Variants in FANCD2 observed in about 807,000 individuals in gnomAD.
FANCD2 encodes Fanconi anemia group D2 protein.
In FANCD2, 131 loss-of-function variants were observed where a neutral mutation model predicts 192.3. The ratio of observed to expected loss-of-function variants is 0.68; its 90% CI spans 0.59 to 0.79. The LOEUF (loss-of-function observed/expected upper bound fraction) is 0.79. FANCD2 is among the 30% of genes least tolerant of loss of function. The pLI, the probability that FANCD2 is intolerant of heterozygous loss-of-function variation, is 0.00. For missense variants in FANCD2, 1,508 were observed against 1,701.6 expected, an observed-to-expected ratio of 0.89 and a Z score of 2.00; for synonymous variants, 524 against 612.5, an observed-to-expected ratio of 0.86 and a Z score of 2.13.
chr3:10,046,376 C>T lies in FANCD2; in HGVS notation c.1135-204C>T. ...CCTGCTCTGTATTCTTAAGGGGTAT[C>T]AATGGTTAACAGTTGTGGCACTTTA... On this transcript the variant is annotated intron_variant, in intron 14 of 43. Transcript: ENST00000675286. 4.0e-6 allele frequency: 3 copies of T among 744,546 alleles called. No homozygotes were observed. The South Asian group carries it at 5.4e-5, about 13-fold the overall frequency. 46.1% of individuals were successfully genotyped at this position (744,546 alleles called of 1,614,324 possible). A position where few individuals can be genotyped will look rare whatever the true frequency, so the allele number is the denominator to read the frequency against.
intron 40 of FANCD2, chr3:10,094,993 A>C (rs563707444): frequency 1.5e-4 from 86 of 589,774 alleles, no homozygotes; most frequent in Non-Finnish European, 7.6e-5. Flanking sequence ...TATAACTCTC[A>C]GATTGATACA....
rs33956334 is a variant in FANCD2 at position 10,031,376 on chromosome 3, A to G, written c.65-1456A>G. 7.6e-3 allele frequency among the ~76,000 whole-genome samples: 1,154 copies of G among 151,970 alleles called. 4 individuals are homozygous for G. Among genetic ancestry groups the G allele is most frequent in the Non-Finnish European group, 0.013 (861 of 67,948 alleles). On this transcript the variant is annotated intron_variant, in intron 2 of 43. Transcript: ENST00000675286. ...AAATTAGCCGGGCGTGGTGGTGTGC[A>G]CCTGTAGTCCCAGCTACTGGGAGGC...
At chr3:10,040,607 G>GA (rs2086841422) in intron 9 of FANCD2, 1 of 454,648 alleles carries the variant, frequency 2.2e-6, no homozygotes, top group African/African-American at 2.0e-5. Flanking sequence ...TCATTCATTT[G>GA]AAAAATAGTA....
rs59318799 is a variant in FANCD2, at chr3:10,101,644, A to T, written c.*382A>T. The T allele has an allele frequency of 0.19, 59,066 of 311,488 alleles. 6,740 individuals are homozygous for T. The highest frequency in any genetic ancestry group is 0.36 in the African/African-American group (16,618 of 46,698). The allele number at this position is 311,488 out of a possible 1,614,324, so 19.3% of individuals were successfully genotyped here. On this transcript the variant is annotated 3_prime_UTR_variant, in exon 44 of 44. Transcript: ENST00000675286. Reference sequence around the variant, plus strand: ...ATGATCCACCTGCCTCAGCCTCCCAAAGTGCTGGGATTACAGGCATGAGCC... The same window carrying T: ...ATGATCCACCTGCCTCAGCCTCCCATAGTGCTGGGATTACAGGCATGAGCC...
chr3:10,071,959 CGT>C (rs1693276813), intron 26 of FANCD2, among the ~76,000 whole-genome samples: 2 of 151,956 alleles, frequency 1.3e-5, no homozygotes, highest in Non-Finnish European at 2.9e-5. Flanking sequence ...GGGGTTTCAC[CGT>C]GTTGGCCGGG....
chr3:10,086,015 A>G (rs1694177623), intron 33 of FANCD2, 93 bp downstream of exon 33: 2 of 826,616 alleles, frequency 2.4e-6, no homozygotes, highest in Non-Finnish European at 4.3e-6. Context: ...GGTGTCTTTC[A>G]GTAGTTGTAA....
At chr3:10,097,363 C>T (rs935439142) in intron 42 of FANCD2, among the ~76,000 whole-genome samples, 1 of 152,144 alleles carries the variant, frequency 6.6e-6, no homozygotes, top group African/African-American at 2.4e-5. Context: ...GTTTATTTCA[C>T]CTCTGCAGTC....
chr3:10,068,238 A>G lies in FANCD2; in HGVS notation c.2494+921A>G, dbSNP rs2087774693. Among the ~76,000 whole-genome samples, 2 of 152,180 alleles carry G rather than the reference A, an allele frequency of 1.3e-5. 1 individual carries two copies. The highest frequency in any genetic ancestry group is 4.1e-4 in the South Asian group (2 of 4,830). ...GCAGATGATATGATCTTATATTTGG[A>G]AAAGCCTAAAGACTCCACCAAAAAA... is the stretch of plus-strand genomic sequence containing the variant. On this transcript the variant is annotated intron_variant, in intron 26 of 43. Coordinates refer to ENST00000675286, the MANE Select transcript of FANCD2 (RefSeq NM_001018115.3).
At chr3:10,092,503 T>C (rs984816850) in intron 38 of FANCD2, among the ~76,000 whole-genome samples, 1 of 151,398 alleles carries the variant, frequency 6.6e-6, no homozygotes, top group African/African-American at 2.4e-5. Flanking sequence ...CTTCCATCTG[T>C]AATTCCCTCA....
At chr3:10,080,972 G>A (rs192467385) in intron 30 of FANCD2, 128 bp from the exon 31 acceptor site, 3 of 997,266 alleles carry the variant, frequency 3.0e-6, no homozygotes, top group East Asian at 4.8e-5. Flanking sequence ...ACAGTCTTAG[G>A]TTAACAACTC....
chr3:10,064,509 A>T (rs1467861666), intron 22 of FANCD2, 80 bp downstream of exon 22: 1 of 1,393,118 alleles, frequency 7.2e-7, no homozygotes, highest in African/African-American at 1.4e-5. Context: ...AAACTTCAGA[A>T]TACCCTTCAC....
intron 16 of FANCD2, 94 bp from the exon 17 acceptor site, chr3:10,049,280 A>T: frequency 1.5e-6 from 2 of 1,299,710 alleles, no homozygotes; most frequent in Non-Finnish European, 2.2e-6. Context: ...TGATTTTAAC[A>T]AAGTAGAGAT....
Position 10,052,420 on chromosome 3 carries a change from C to G in FANCD2, c.1579C>G (p.Gln527Glu). The G allele has an allele frequency of 6.2e-7, 1 of 1,613,318 alleles. No individual in the cohort carries two copies. Among genetic ancestry groups the G allele is most frequent in the Non-Finnish European group, 8.5e-7 (1 of 1,179,572 alleles). ...ILDYLDNISP[Q>E]QIRKLFYVLS... ...AGATTATCTGGATAACATATCCCCT[C>G]AGCAAATACGAAAACTCTTCTATGT... is the stretch of plus-strand genomic sequence containing the variant. Residue 527 changes from glutamine to glutamate, a missense_variant, in exon 18 of 44, where the codon CAG becomes GAG. Physicochemically the swap from Gln to Glu is conservative, Grantham distance 29. Transcript: ENST00000675286.
At chr3:10,100,074 G>C (rs540853079) in intron 43 of FANCD2, among the ~76,000 whole-genome samples, 5 of 152,230 alleles carry the variant, frequency 3.3e-5, no homozygotes, top group South Asian at 4.1e-4. Flanking sequence ...TGTGGTCCCT[G>C]CTACACAGGA....
At chr3:10,059,228 G>A (rs2087494999) in intron 18 of FANCD2, among the ~76,000 whole-genome samples, 1 of 151,992 alleles carries the variant, frequency 6.6e-6, no homozygotes, top group Non-Finnish European at 1.5e-5. Flanking sequence ...TACCCAGGCT[G>A]GTCTTGAACT....
Position 10,078,089 on chromosome 3 carries a change from A to G in FANCD2, c.2868A>G (p.Glu956=). ...LDTEMHTEAT[E]VVQLGPPELL... ...TTTCCTCCATGTGACAGGCTACAGA[A>G]GTTGTGCAACTTGGGCCCCCTGAGC... is the stretch of plus-strand genomic sequence containing the variant. The change falls in exon 30 of 44, where the codon GAA becomes GAG. Residue 956 remains glutamate (E), a synonymous_variant. Transcript: ENST00000675286. 1.2e-6 allele frequency: 2 copies of G among 1,610,216 alleles called. No homozygotes were observed. Among genetic ancestry groups the G allele is most frequent in the Non-Finnish European group, 8.5e-7 (1 of 1,176,576 alleles).
At chr3:10,074,808 C>A in intron 29 of FANCD2, 135 bp downstream of exon 29, 1 of 736,658 alleles carries the variant, frequency 1.4e-6, no homozygotes, top group Non-Finnish European at 2.3e-6. Context: ...TATGTGAAAG[C>A]AATGATGAAT....
In FANCD2 at chr3:10,096,396, G is replaced by T; in HGVS notation, c.4109G>T (p.Arg1370Ile). 1 of 1,614,106 alleles carries T rather than the reference G, an allele frequency of 6.2e-7. No individual in the cohort carries two copies. The highest frequency in any genetic ancestry group is 8.5e-7 in the Non-Finnish European group (1 of 1,179,956). The change falls in exon 42 of 44, where the codon AGA becomes ATA. Residue 1370 changes from arginine (R) to isoleucine (I), a missense_variant. Coordinates refer to ENST00000675286, the MANE Select transcript of FANCD2 (RefSeq NM_001018115.3). ...LKKTLELLVCRVKAMLTLNNC... is the reference protein window; with the variant it reads ...LKKTLELLVCIVKAMLTLNNC... Reference sequence around the variant, plus strand: ...AAGACCCTGGAACTTTTAGTTTGCAGAGTCAAAGCTATGCTCACTCTCAAC... The same window carrying T: ...AAGACCCTGGAACTTTTAGTTTGCATAGTCAAAGCTATGCTCACTCTCAAC...
intron 1 of FANCD2, among the ~76,000 whole-genome samples, chr3:10,027,549 CCTCTT>C (rs2086482271): frequency 1.3e-5 from 2 of 152,172 alleles, no homozygotes; most frequent in Admixed American, 1.3e-4. Context: ...TGCCTGGACT[CCTCTT>C]CTCCTACCCC....
Sources: gnomAD v4.1 joint callset for allele counts (sites outside exome capture counted in the v4.1 genomes callset) on GRCh38, gnomAD v4.1.1 for gene constraint, MANE v1.5 for transcripts, NCBI Gene and HGNC (gene_info 2026-07-23, HGNC 2026-07-21) for gene names.